Variants in CSMD3 observed in about 807,000 individuals in gnomAD.
CSMD3 encodes the protein CUB and sushi domain-containing protein 3.
CSMD3 carries 177 observed loss-of-function variants against 435.2 expected under a neutral mutation model. That is an observed-to-expected ratio of 0.41 (90% CI 0.36 to 0.46). CSMD3 has a LOEUF of 0.46. Among genes scored for constraint, CSMD3 ranks in the 20% least tolerant of loss-of-function variants. The pLI, the probability that CSMD3 is intolerant of heterozygous loss-of-function variation, is 0.34. For missense variants in CSMD3, 4,265 were observed against 4,504.6 expected, an observed-to-expected ratio of 0.95 and a Z score of 1.52; for synonymous variants, 1,656 against 1,520.5, an observed-to-expected ratio of 1.09 and a Z score of -2.07.
chr8:112,375,427 T>C (rs1026443371), intron 38 of CSMD3, among the ~76,000 whole-genome samples: 3 of 152,112 alleles, frequency 2.0e-5, no homozygotes, highest in Non-Finnish European at 4.4e-5. Flanking sequence ...AGATGTTGGT[T>C]TCCAAGACCT....
chr8:112,756,081 G>A lies in CSMD3; in HGVS notation c.1972+44081C>T, dbSNP rs915692044. On this transcript the variant is annotated intron_variant, in intron 13 of 70. Coordinates refer to ENST00000297405, the MANE Select transcript of CSMD3 (RefSeq NM_198123.2). ...CTGCAAACTACCAGAGCCTAAAGAC[G>A]TGGGGATTAGAAACAAATATCGTCT... Among the ~76,000 whole-genome samples, 4 of 152,010 alleles carry A rather than the reference G, an allele frequency of 2.6e-5. No individual in the cohort carries two copies. In the East Asian group the frequency reaches 5.8e-4, roughly 22 times the overall value.
chr8:113,226,150 C>G (rs991773213), intron 3 of CSMD3, among the ~76,000 whole-genome samples: 2 of 151,464 alleles, frequency 1.3e-5, no homozygotes, highest in African/African-American at 4.8e-5. Context: ...CAGCCTTGGG[C>G]AGTTCTTCGT....
chr8:112,419,390 T>A (rs1439922396), intron 32 of CSMD3, among the ~76,000 whole-genome samples: 1 of 152,190 alleles, frequency 6.6e-6, no homozygotes, highest in East Asian at 1.9e-4. Flanking sequence ...AAAATCTTAA[T>A]ATGTATTGCT....
chr8:112,553,964 T>C (rs1459964417), intron 25 of CSMD3, among the ~76,000 whole-genome samples: 1 of 152,020 alleles, frequency 6.6e-6, no homozygotes, highest in East Asian at 1.9e-4. Flanking sequence ...CTACACTCAG[T>C]TGACTTGTAG....
intron 1 of CSMD3, among the ~76,000 whole-genome samples, chr8:113,336,345 C>T (rs558571775): frequency 2.0e-5 from 3 of 151,218 alleles, no homozygotes; most frequent in Admixed American, 1.3e-4. Flanking sequence ...TTAAGTGTGC[C>T]TGTGCTGTTT....
chr8:112,343,189 G>C (rs1277448058), intron 41 of CSMD3, among the ~76,000 whole-genome samples: 2 of 151,262 alleles, frequency 1.3e-5, no homozygotes, highest in Admixed American at 6.6e-5. Flanking sequence ...TCAAAATCAA[G>C]AATTAGCCAG....
At chr8:113,423,235 A>AT (rs1341764632) in intron 1 of CSMD3, among the ~76,000 whole-genome samples, 1 of 152,062 alleles carries the variant, frequency 6.6e-6, no homozygotes, top group Non-Finnish European at 1.5e-5. Context: ...TGAATTTCAA[A>AT]TTTTCACAGG....
At chr8:112,495,014 A>G (rs1269433941) in intron 30 of CSMD3, among the ~76,000 whole-genome samples, 1 of 152,164 alleles carries the variant, frequency 6.6e-6, no homozygotes, top group East Asian at 1.9e-4. Flanking sequence ...GTCCCAAACC[A>G]TGGAATATAT....
chr8:112,624,008 C>T (rs1435259855), intron 22 of CSMD3, among the ~76,000 whole-genome samples: 1 of 151,952 alleles, frequency 6.6e-6, no homozygotes, highest in Admixed American at 6.6e-5. Flanking sequence ...ATGAACAACA[C>T]TTATTCATGG....
intron 22 of CSMD3, among the ~76,000 whole-genome samples, chr8:112,617,029 C>T (rs1478833306): frequency 6.6e-6 from 1 of 152,144 alleles, no homozygotes; most frequent in African/African-American, 2.4e-5. Context: ...AGAACATTCT[C>T]TCAAGAATTG....
chr8:112,865,845 C>T (rs1225074713), intron 10 of CSMD3, among the ~76,000 whole-genome samples: 5 of 152,116 alleles, frequency 3.3e-5, no homozygotes, highest in Non-Finnish European at 1.5e-5. Flanking sequence ...ACATGGAAGA[C>T]ACTCAATGAA....
At chr8:113,382,545 T>G (rs2094420911) in intron 1 of CSMD3, among the ~76,000 whole-genome samples, 1 of 152,210 alleles carries the variant, frequency 6.6e-6, no homozygotes, top group Admixed American at 6.5e-5. Flanking sequence ...GTAATTTTCT[T>G]CTGAACATTA....
At chr8:113,382,447 G>C (rs1051030451) in intron 1 of CSMD3, among the ~76,000 whole-genome samples, 1 of 151,760 alleles carries the variant, frequency 6.6e-6, no homozygotes, top group African/African-American at 2.4e-5. Flanking sequence ...TATCATTTTG[G>C]TGGGTGATTT....
chr8:113,169,963 T>C (rs574305738), intron 4 of CSMD3, among the ~76,000 whole-genome samples: 21 of 152,298 alleles, frequency 1.4e-4, no homozygotes, highest in African/African-American at 5.1e-4. Context: ...AAATTCATCC[T>C]GCCTGTGAAC....
intron 7 of CSMD3, among the ~76,000 whole-genome samples, chr8:112,975,606 C>T (rs2084816104): frequency 6.6e-6 from 1 of 152,054 alleles, no homozygotes; most frequent in African/African-American, 2.4e-5. Context: ...CTTTTACCCC[C>T]TCCCCCTCCA....
At chr8:112,464,590 G>T (rs1366600690) in intron 32 of CSMD3, among the ~76,000 whole-genome samples, 1 of 151,980 alleles carries the variant, frequency 6.6e-6, no homozygotes, top group African/African-American at 2.4e-5. Flanking sequence ...CTACATACAG[G>T]TTGAAGAAAT....
chr8:113,185,316 A>T (rs2092482664), intron 3 of CSMD3, among the ~76,000 whole-genome samples: 1 of 152,102 alleles, frequency 6.6e-6, no homozygotes, highest in African/African-American at 2.4e-5. Context: ...GAGAAAAAAA[A>T]GTTGAGGTGA....
At chr8:113,072,862 T>A (rs1462243261) in intron 5 of CSMD3, among the ~76,000 whole-genome samples, 2 of 151,868 alleles carry the variant, frequency 1.3e-5, no homozygotes, top group East Asian at 3.9e-4. Context: ...TGATTCTTGT[T>A]CTTATCATCA....
At position 112,479,944 on chromosome 8, in the gene CSMD3, A is replaced by G. The variant is rs76975099; in HGVS notation, c.5279-7237T>C. On this transcript the variant is annotated intron_variant, in intron 31 of 70. Coordinates refer to ENST00000297405, the MANE Select transcript of CSMD3 (RefSeq NM_198123.2). ...AGGCCACCACCCTCCAGACCCTATA[A>G]TGGCAGAGGCACTAGCAGCTTGCAC... is the stretch of plus-strand genomic sequence containing the variant. Among the ~76,000 whole-genome samples the G allele has an allele frequency of 2.8e-3, 434 of 152,314 alleles. 4 individuals carry two copies. The highest frequency in any genetic ancestry group is 9.8e-3 in the African/African-American group (406 of 41,572).
Sources: gnomAD v4.1 joint callset for allele counts (sites outside exome capture counted in the v4.1 genomes callset) on GRCh38, gnomAD v4.1.1 for gene constraint, MANE v1.5 for transcripts, NCBI Gene and HGNC (gene_info 2026-07-23, HGNC 2026-07-21) for gene names.